The following TRDN variants were observed in gnomAD, a reference collection of about 807,000 sequenced individuals.
TRDN encodes triadin.
A neutral mutation model predicts 149.7 loss-of-function variants in TRDN; 161 were observed. The ratio of observed to expected loss-of-function variants is 1.08; its 90% CI spans 0.95 to 1.23. The LOEUF (loss-of-function observed/expected upper bound fraction) is 1.23, where lower values mean the gene tolerates loss of function less well. Among genes scored for constraint, TRDN ranks in the 50% most tolerant of loss-of-function variants. TRDN has a pLI of 0.00. For synonymous variants in TRDN, 294 were observed against 250.5 expected, an observed-to-expected ratio of 1.17 and a Z score of -1.64; for missense variants, 896 against 823.5, an observed-to-expected ratio of 1.09 and a Z score of -1.08.
At chr6:123,236,642 T>C (rs1194712690) in intron 38 of TRDN, among the ~76,000 whole-genome samples, 2 of 152,194 alleles carry the variant, frequency 1.3e-5, no homozygotes, top group African/African-American at 4.8e-5. Context: ...TAGCAGTTTA[T>C]TTTCAAAAAA....
intron 24 of TRDN, among the ~76,000 whole-genome samples, chr6:123,313,297 C>T (rs1778901783): frequency 6.6e-6 from 1 of 151,936 alleles, no homozygotes; most frequent in South Asian, 2.1e-4. Flanking sequence ...TTTCAGCCAT[C>T]TCAGACTCTG....
In TRDN at chr6:123,597,583, C is replaced by A. The variant is rs79208162; in HGVS notation, c.23-26451G>T. Reference sequence around the variant, plus strand: ...TTCTGAAAGTCAGAGTCCATCGATGCAGCAAACTTCATTGTTGTCTTTTGT... The same window carrying A: ...TTCTGAAAGTCAGAGTCCATCGATGAAGCAAACTTCATTGTTGTCTTTTGT... On this transcript the variant is annotated intron_variant, in intron 1 of 40. Coordinates refer to ENST00000334268, the MANE Select transcript of TRDN (RefSeq NM_006073.4). Among the ~76,000 whole-genome samples the A allele has an allele frequency of 7.7e-3, 1,169 of 152,098 alleles. 16 individuals are homozygous for A. Among genetic ancestry groups the A allele is most frequent in the African/African-American group, 0.027 (1,114 of 41,520 alleles).
intron 10 of TRDN, among the ~76,000 whole-genome samples, chr6:123,446,914 T>C (rs1245881697): frequency 2.8e-5 from 2 of 72,110 alleles, no homozygotes; most frequent in East Asian, 2.6e-4. Context: ...TCTTCTTCTA[T>C]TTTTTTTTTC....
At chr6:123,304,903 CA>C (rs1171406175) in intron 24 of TRDN, among the ~76,000 whole-genome samples, 1 of 151,644 alleles carries the variant, frequency 6.6e-6, no homozygotes, top group Non-Finnish European at 1.5e-5. Context: ...TTCCAGATTT[CA>C]AAAAAAGTCT....
intron 12 of TRDN, among the ~76,000 whole-genome samples, chr6:123,421,077 G>A (rs1773878787): frequency 6.6e-6 from 1 of 152,164 alleles, no homozygotes; most frequent in South Asian, 2.1e-4. Flanking sequence ...AAAATTCTCT[G>A]AGGAAATTTA....
rs548212846 is a variant in TRDN, at chr6:123,375,439, C to T, written c.1273+166G>A. Reference sequence around the variant, plus strand: ...ATAAATTTTAATAAGAATGAATTCACGGAAAAGACAGGGATAAGTAATATT... The same window carrying T: ...ATAAATTTTAATAAGAATGAATTCATGGAAAAGACAGGGATAAGTAATATT... On this transcript the variant is annotated intron_variant, in intron 19 of 40. Coordinates refer to ENST00000334268, the MANE Select transcript of TRDN (RefSeq NM_006073.4). Among the ~76,000 whole-genome samples the T allele has an allele frequency of 1.2e-4, 18 of 152,162 alleles. No individual in the cohort carries two copies. In the South Asian group the frequency reaches 3.5e-3, roughly 30 times the overall value.
intron 8 of TRDN, among the ~76,000 whole-genome samples, chr6:123,499,902 G>A (rs1020170056): frequency 2.0e-5 from 3 of 150,482 alleles, no homozygotes; most frequent in South Asian, 4.2e-4. Flanking sequence ...GTATACAAGA[G>A]GATGTGTATA....
intron 1 of TRDN, among the ~76,000 whole-genome samples, chr6:123,619,197 G>T (rs1785253479): frequency 6.6e-6 from 1 of 152,170 alleles, no homozygotes; most frequent in Non-Finnish European, 1.5e-5. Context: ...AGATTCCAAA[G>T]TTTAGTGGCC....
intron 38 of TRDN, among the ~76,000 whole-genome samples, chr6:123,236,078 A>T (rs1775776777): frequency 6.6e-6 from 1 of 152,204 alleles, no homozygotes; most frequent in Admixed American, 6.5e-5. Context: ...AACATAAGCA[A>T]CTCTCAGTTT....
At position 123,635,095 on chromosome 6, in the gene TRDN, A is replaced by C. The variant is rs147724781; in HGVS notation, c.22+1659T>G. ...ACCTCCTGAATCACCTGGGAGCCCA[A>C]ACCCTGAACAGAGGTAGAGAAACAG... On this transcript the variant is annotated intron_variant, in intron 1 of 40. Transcript: ENST00000334268. Among the ~76,000 whole-genome samples the C allele has an allele frequency of 3.1e-3, 465 of 152,110 alleles. 1 individual carries two copies. The highest frequency in any genetic ancestry group is 7.9e-3 in the African/African-American group (329 of 41,544).
intron 4 of TRDN, among the ~76,000 whole-genome samples, chr6:123,533,501 G>A (rs1780354397): frequency 6.6e-6 from 1 of 152,060 alleles, no homozygotes; most frequent in Admixed American, 6.6e-5. Context: ...TAGAAAGACG[G>A]TCCTTGTTGA....
intron 4 of TRDN, among the ~76,000 whole-genome samples, chr6:123,531,312 T>C (rs762800820): frequency 9.9e-5 from 15 of 152,062 alleles, no homozygotes; most frequent in Non-Finnish European, 1.0e-4. Flanking sequence ...TAGTGTTTTT[T>C]CTTAGAAAAA....
chr6:123,582,499 G>A (rs1274992287), intron 1 of TRDN, among the ~76,000 whole-genome samples: 1 of 143,504 alleles, frequency 7.0e-6, no homozygotes, highest in African/African-American at 2.5e-5. Context: ...GAAAAAGGGG[G>A]GTTGTTCTCT....
chr6:123,455,188 A>G (rs1282266404), intron 10 of TRDN, among the ~76,000 whole-genome samples: 1 of 152,194 alleles, frequency 6.6e-6, no homozygotes, highest in African/African-American at 2.4e-5. Context: ...AACGAGAAAG[A>G]TTATTCAATA....
intron 7 of TRDN, among the ~76,000 whole-genome samples, chr6:123,504,771 A>G (rs1390521160): frequency 1.3e-5 from 2 of 152,216 alleles, no homozygotes; most frequent in Non-Finnish European, 2.9e-5. Context: ...TTTAAAAAGC[A>G]GTAATAATGT....
At chr6:123,350,680 A>T in intron 21 of TRDN, 1 of 800,314 alleles carries the variant, frequency 1.2e-6, no homozygotes, top group Non-Finnish European at 1.5e-6. Context: ...TCATAAAAAT[A>T]TGCAAAATAT....
chr6:123,535,457 G>C (rs993119385), intron 4 of TRDN, among the ~76,000 whole-genome samples: 3 of 152,118 alleles, frequency 2.0e-5, no homozygotes, highest in Admixed American at 2.0e-4. Flanking sequence ...GGAGGAAAAA[G>C]TAGTATCTCC....
intron 8 of TRDN, among the ~76,000 whole-genome samples, chr6:123,501,070 G>T (rs1420729933): frequency 2.6e-5 from 4 of 151,940 alleles, no homozygotes; most frequent in Non-Finnish European, 5.9e-5. Context: ...GTGTGTGTGT[G>T]TGTCTGTGTG....
At chr6:123,377,564 G>A (rs1276469660) in intron 18 of TRDN, among the ~76,000 whole-genome samples, 152 bp downstream of exon 18, 1 of 152,184 alleles carries the variant, frequency 6.6e-6, no homozygotes, top group Non-Finnish European at 1.5e-5. Context: ...CTGCATTGAT[G>A]TTATGTCCAT....
Sources: allele counts gnomAD v4.1 joint callset (sites outside exome capture counted in the v4.1 genomes callset), GRCh38; gene constraint gnomAD v4.1.1; transcripts MANE v1.5; gene names NCBI Gene and HGNC (gene_info 2026-07-23, HGNC 2026-07-21).